The following DACH1 variants were observed in gnomAD, a reference collection of about 807,000 sequenced individuals.
The protein encoded by DACH1 is dachshund family transcription factor 1, also known as dachshund homolog 1.
Under a neutral mutation model 54.2 loss-of-function variants are expected in DACH1, and 12 were observed. The observed-to-expected ratio is 0.22, with a 90% confidence interval of 0.14 to 0.36. The LOEUF (loss-of-function observed/expected upper bound fraction) is 0.36, where lower values mean the gene tolerates loss of function less well. Ranked by LOEUF, DACH1 falls within the 10% of genes least tolerant of loss-of-function variation. The probability of loss-of-function intolerance (pLI) is 1.00; values close to 1 mark genes in which losing one functional copy is unlikely to be tolerated. For missense variants in DACH1, 805 were observed against 929.8 expected (o/e 0.87, Z 1.75); for synonymous variants, 386 against 366.2 (o/e 1.05, Z -0.62).
chr13:71,686,219 A>G (rs566803388), intron 1 of DACH1, among the ~76,000 whole-genome samples: 23 of 152,298 alleles, frequency 1.5e-4, no homozygotes, highest in South Asian at 1.0e-3. Flanking sequence ...GCCTTAGTAC[A>G]GGCTTTAGTA....
intron 1 of DACH1, among the ~76,000 whole-genome samples, chr13:71,857,532 G>A (rs1310654431): frequency 2.0e-5 from 3 of 151,618 alleles, no homozygotes; most frequent in South Asian, 4.2e-4. Flanking sequence ...CCAAATGTAC[G>A]ACAATTATTT....
rs1281374474 is a variant in DACH1 at position 71,748,966 on chromosome 13, C to T, written c.849-67056G>A. Among the ~76,000 whole-genome samples, 38 of 82,410 alleles carry T rather than the reference C, an allele frequency of 4.6e-4. 4 individuals carry two copies. The highest frequency in any genetic ancestry group is 1.4e-3 in the East Asian group (5 of 3,568). The allele number at this position is 82,410 out of a possible 152,430, so 54.1% of individuals were successfully genotyped here. On this transcript the variant is annotated intron_variant, in intron 1 of 10. Transcript: ENST00000613252. ...TTTCTTTCTTTCTCTCTTTCTTTCT[C>T]TCTCTCTCTTTCTTCTTTCCTTTTA...
chr13:71,823,236 TGTTTCCGTTAAAAATATCCA>T (rs1888259945), intron 1 of DACH1, among the ~76,000 whole-genome samples: 1 of 152,258 alleles, frequency 6.6e-6, no homozygotes, highest in Non-Finnish European at 1.5e-5. Flanking sequence ...TTCAATCTTT[TGTTTCCGTTAAAAATATCCA>T]GCAATCAGAG....
chr13:71,837,876 C>T (rs911046104), intron 1 of DACH1, among the ~76,000 whole-genome samples: 1 of 149,120 alleles, frequency 6.7e-6, no homozygotes, highest in Non-Finnish European at 1.5e-5. Context: ...AAATTGGAAA[C>T]CATCATTCTC....
chr13:71,555,599 C>A (rs879583029), intron 6 of DACH1, among the ~76,000 whole-genome samples: 6 of 152,030 alleles, frequency 3.9e-5, no homozygotes, highest in Non-Finnish European at 8.8e-5. Flanking sequence ...CCTCAGCCTC[C>A]CAAAGTGCTG....
intron 1 of DACH1, among the ~76,000 whole-genome samples, chr13:71,739,864 C>A (rs889059431): frequency 2.0e-5 from 3 of 152,132 alleles, no homozygotes; most frequent in African/African-American, 4.8e-5. Context: ...AAGAATAATT[C>A]TTTGAAATGG....
At chr13:71,741,475 T>A (rs1884384686) in intron 1 of DACH1, among the ~76,000 whole-genome samples, 1 of 152,162 alleles carries the variant, frequency 6.6e-6, no homozygotes, top group Non-Finnish European at 1.5e-5. Flanking sequence ...ATTGGGACAT[T>A]TTATTAGGGG....
intron 6 of DACH1, among the ~76,000 whole-genome samples, chr13:71,556,685 T>C (rs973438938): frequency 4.0e-5 from 6 of 150,210 alleles, no homozygotes; most frequent in Admixed American, 1.3e-4. Context: ...GTTATTGTTC[T>C]ATCATGCTAA....
At chr13:71,488,827 A>C (rs2138202959) in intron 7 of DACH1, among the ~76,000 whole-genome samples, 170 bp downstream of exon 7, 1 of 151,602 alleles carries the variant, frequency 6.6e-6, no homozygotes, top group Non-Finnish European at 1.5e-5. Flanking sequence ...GAGTATTTCT[A>C]AGCTAATTTG....
At chr13:71,850,154 CAAA>C (rs1307517404) in intron 1 of DACH1, among the ~76,000 whole-genome samples, 1 of 152,190 alleles carries the variant, frequency 6.6e-6, no homozygotes, top group African/African-American at 2.4e-5. Context: ...ACATTTGGTA[CAAA>C]ACTTCCTTCC....
At chr13:71,666,863 T>C (rs1879873229) in intron 2 of DACH1, among the ~76,000 whole-genome samples, 3 of 152,052 alleles carry the variant, frequency 2.0e-5, no homozygotes, top group Admixed American at 2.0e-4. Context: ...GTGCCTGTAA[T>C]CTCAGCTACT....
At chr13:71,604,445 C>T (rs1017392271) in intron 3 of DACH1, among the ~76,000 whole-genome samples, 34 of 151,820 alleles carry the variant, frequency 2.2e-4, no homozygotes, top group African/African-American at 6.5e-4. Flanking sequence ...TCCAGATGGA[C>T]GACTGATTAT....
chr13:71,770,711 T>A (rs75458235), intron 1 of DACH1, among the ~76,000 whole-genome samples: 1,615 of 151,662 alleles, frequency 0.011, 25 homozygotes, highest in African/African-American at 0.033. Context: ...TTTCATTAAG[T>A]TTTTTTGCCT....
intron 1 of DACH1, among the ~76,000 whole-genome samples, chr13:71,791,291 A>G (rs1054261397): frequency 9.2e-5 from 14 of 152,160 alleles, no homozygotes; most frequent in Admixed American, 3.3e-4. Context: ...AAGAAATATT[A>G]TCTTCTGAGG....
rs1190453050 is a variant in DACH1 at position 71,779,181 on chromosome 13, A to G, written c.848+86741T>C. Among the ~76,000 whole-genome samples the G allele has an allele frequency of 1.8e-3, 236 of 130,846 alleles. 2 individuals carry two copies. Among genetic ancestry groups the G allele is most frequent in the African/African-American group, 6.8e-3 (225 of 32,866 alleles). The allele number at this position is 130,846 out of a possible 152,430, so 85.8% of individuals were successfully genotyped here. On this transcript the variant is annotated intron_variant, in intron 1 of 10. Coordinates refer to ENST00000613252, the MANE Select transcript of DACH1 (RefSeq NM_080759.6). Reference sequence around the variant, plus strand: ...TACGTATATACGTATATATATACACATATATACGTATATACGTATATATGT... The same window carrying G: ...TACGTATATACGTATATATATACACGTATATACGTATATACGTATATATGT...
intron 1 of DACH1, among the ~76,000 whole-genome samples, chr13:71,789,286 C>G (rs941836606): frequency 2.0e-5 from 3 of 152,082 alleles, no homozygotes; most frequent in Non-Finnish European, 4.4e-5. Context: ...CAGTATTAAA[C>G]TGTCAATCAC....
At chr13:71,480,405 A>T (rs1877924521) in intron 7 of DACH1, among the ~76,000 whole-genome samples, 1 of 152,180 alleles carries the variant, frequency 6.6e-6, no homozygotes, top group Non-Finnish European at 1.5e-5. Flanking sequence ...ATATATTTTG[A>T]CATACTGTAT....
At chr13:71,859,410 T>C (rs1325174384) in intron 1 of DACH1, among the ~76,000 whole-genome samples, 3 of 151,822 alleles carry the variant, frequency 2.0e-5, no homozygotes, top group African/African-American at 7.2e-5. Context: ...TCATTATATG[T>C]GATGTGACAT....
intron 1 of DACH1, among the ~76,000 whole-genome samples, chr13:71,690,159 T>A (rs1368825325): frequency 6.6e-6 from 1 of 152,154 alleles, no homozygotes; most frequent in Non-Finnish European, 1.5e-5. Flanking sequence ...TCAAACAGAT[T>A]ACTTTCCCAC....
Sources: gnomAD v4.1 joint callset for allele counts (sites outside exome capture counted in the v4.1 genomes callset) on GRCh38, gnomAD v4.1.1 for gene constraint, MANE v1.5 for transcripts, NCBI Gene and HGNC (gene_info 2026-07-23, HGNC 2026-07-21) for gene names.